TTYH1: variants seen among roughly 807,000 people sequenced by gnomAD.
The protein encoded by TTYH1 is protein tweety homolog 1.
A neutral mutation model predicts 61.2 loss-of-function variants in TTYH1; 33 were observed. The ratio of observed to expected loss-of-function variants is 0.54; its 90% CI spans 0.41 to 0.72. The LOEUF is 0.72. Ranked by LOEUF, TTYH1 falls within the 30% of genes least tolerant of loss-of-function variation. The pLI is 0.00. For synonymous variants in TTYH1, 308 were observed against 266.4 expected (o/e 1.16, Z -1.52); for missense variants, 538 against 575.8 (o/e 0.93, Z 0.67).
rs374429069 is a variant in TTYH1 at position 54,420,094 on chromosome 19, C to T, written c.305+788C>T. On this transcript the variant is annotated intron_variant, in intron 2 of 13. Coordinates refer to ENST00000376530, the MANE Select transcript of TTYH1 (RefSeq NM_020659.4). The surrounding 1 kb of genome is among the most constrained non-coding windows in gnomAD (Gnocchi z 4.8). ...GATTCAGACCCAGGTTAGTAGGACCCCCTCACACCCCTCAAAGCGAGCTTA... is the reference window on the plus strand; with the variant it reads ...GATTCAGACCCAGGTTAGTAGGACCTCCTCACACCCCTCAAAGCGAGCTTA... Among the ~76,000 whole-genome samples the T allele has an allele frequency of 6.6e-6, 1 of 152,144 alleles. No homozygotes were observed. Among genetic ancestry groups the T allele is most frequent in the Non-Finnish European group, 1.5e-5 (1 of 68,032 alleles).
In TTYH1 at chr19:54,415,508, C is replaced by T. The variant is rs375316760; in HGVS notation, c.-45C>T. ...CGCGCCCCGCTCGACTCCGGAGGCT[C>T]CCGCAGCCCCGGCGTCCGCCCCGCT... On this transcript the variant is annotated 5_prime_UTR_variant, in exon 1 of 14. Coordinates refer to ENST00000376530, the MANE Select transcript of TTYH1 (RefSeq NM_020659.4). The surrounding 1 kb of genome is among the most constrained non-coding windows in gnomAD (Gnocchi z 5.2). The T allele has an allele frequency of 1.9e-3, 2,504 of 1,349,810 alleles. 31 individuals are homozygous for T. The African/African-American group carries it at 0.028, about 15-fold the overall frequency. 83.6% of individuals were successfully genotyped at this position (1,349,810 alleles called of 1,614,324 possible). A position where few individuals can be genotyped will look rare whatever the true frequency, so the allele number is the denominator to read the frequency against.
chr19:54,426,904 G>A, intron 5 of TTYH1, 136 bp downstream of exon 5: 1 of 750,288 alleles, frequency 1.3e-6, no homozygotes, highest in Non-Finnish European at 2.2e-6. Flanking sequence ...GAGAGTCAGA[G>A]CAGCCCAGGA....
In TTYH1 at chr19:54,430,911, T is replaced by C; in HGVS notation, c.1032+6T>C. ...CTCAGTTCCCTTCAGCGCAGGTCGG[T>C]GGGTGGGCGCTCCCCAGACACGCGG... On this transcript the variant is annotated splice_donor_region_variant and intron_variant, in intron 9 of 13. Coordinates refer to ENST00000376530, the MANE Select transcript of TTYH1 (RefSeq NM_020659.4). The C allele has an allele frequency of 1.9e-6, 3 of 1,609,886 alleles. No homozygotes were observed. The highest frequency in any genetic ancestry group is 2.5e-6 in the Non-Finnish European group (3 of 1,179,454).
Position 54,423,722 on chromosome 19 carries a change from T to C in TTYH1, c.638+1312T>C, listed in dbSNP as rs112390926. Among the ~76,000 whole-genome samples the C allele has an allele frequency of 1.5e-3, 227 of 152,182 alleles. 1 individual carries two copies. Among genetic ancestry groups the C allele is most frequent in the African/African-American group, 4.9e-3 (203 of 41,532 alleles). On this transcript the variant is annotated intron_variant, in intron 4 of 13. Transcript: ENST00000376530. ...GCACAGGGAGAGCACCGCAGAGATA[T>C]GAAGTGTAGTCACCCCGGTGGCGGG... is the stretch of plus-strand genomic sequence containing the variant.
Position 54,422,410 on chromosome 19 carries a change from G to A in TTYH1, c.638G>A (p.Arg213Lys). The A allele has an allele frequency of 6.5e-7, 1 of 1,532,426 alleles. No individual in the cohort carries two copies. Among genetic ancestry groups the A allele is most frequent in the South Asian group, 1.2e-5 (1 of 81,452 alleles). 94.9% of individuals were successfully genotyped at this position (1,532,426 alleles called of 1,614,324 possible). Residue 213 changes from arginine to lysine, a missense_variant and splice_region_variant, in exon 4 of 14, where the codon AGG (arginine) becomes AAG (lysine). Coordinates refer to ENST00000376530, the MANE Select transcript of TTYH1 (RefSeq NM_020659.4). ...AATGTGTCCTTTGTGGAGGAGTACA[G>A]GTGAGACGCTGCTCTTCTTGCTCTC... Reference protein sequence around the residue: ...AENVSFVEEYRWLAYVLLLLL... With the variant: ...AENVSFVEEYKWLAYVLLLLL...
chr19:54,435,399 CTT>C (rs2083523065), intron 10 of TTYH1, 141 bp from the exon 11 acceptor site: 1 of 1,055,812 alleles, frequency 9.5e-7, no homozygotes, highest in Non-Finnish European at 1.4e-6. Flanking sequence ...CAGAACTGCC[CTT>C]TGACAGGGGA....
chr19:54,421,398 C>T lies in TTYH1; in HGVS notation c.417+10C>T, dbSNP rs1203491670. The T allele has an allele frequency of 6.3e-7, 1 of 1,596,384 alleles. No homozygotes were observed. Among genetic ancestry groups the T allele is most frequent in the South Asian group, 1.1e-5 (1 of 90,776 alleles). ...CACCATTGACCACCTGGTGAGGGGC[C>T]AGCAACCAGTGGGACCCCAGACCCA... On this transcript the variant is annotated intron_variant, in intron 3 of 13. Transcript: ENST00000376530. The surrounding 1 kb of genome is among the most constrained non-coding windows in gnomAD (Gnocchi z 4.8).
intron 10 of TTYH1, chr19:54,431,495 C>T (rs2083444754): frequency 2.3e-6 from 1 of 433,748 alleles, no homozygotes; most frequent in South Asian, 2.6e-5. Context: ...CCTTCCTTGT[C>T]TTCTCTCCTC....
chr19:54,419,591 C>T lies in TTYH1; in HGVS notation c.305+285C>T. The T allele has an allele frequency of 1.5e-6, 1 of 660,354 alleles. No individual in the cohort carries two copies. The highest frequency in any genetic ancestry group is 3.0e-5 in the East Asian group (1 of 33,472). The allele number at this position is 660,354 out of a possible 1,614,324, so 40.9% of individuals were successfully genotyped here. ...GATGGCCTGGTTTTGGTGGCTCTCC[C>T]ATTGAATAGCTGTGTGACCTAAGGG... On this transcript the variant is annotated intron_variant, in intron 2 of 13. Transcript: ENST00000376530. This position sits in a 1 kb window ranked among gnomAD's most constrained non-coding sequence, Gnocchi z 6.1.
At chr19:54,430,475 G>A in intron 7 of TTYH1, 75 bp from the exon 8 acceptor site, 1 of 1,540,146 alleles carries the variant, frequency 6.5e-7, no homozygotes, top group Non-Finnish European at 9.0e-7. Flanking sequence ...TAACCCCCCA[G>A]TGCCCGGCCT....
chr19:54,420,065 C>A lies in TTYH1; in HGVS notation c.305+759C>A, dbSNP rs758639623. Among the ~76,000 whole-genome samples, 1 of 152,108 alleles carries A rather than the reference C, an allele frequency of 6.6e-6. No individual in the cohort carries two copies. The highest frequency in any genetic ancestry group is 1.5e-5 in the Non-Finnish European group (1 of 68,022). On this transcript the variant is annotated intron_variant, in intron 2 of 13. Coordinates refer to ENST00000376530, the MANE Select transcript of TTYH1 (RefSeq NM_020659.4). The surrounding 1 kb of genome is among the most constrained non-coding windows in gnomAD (Gnocchi z 4.8). ...AGGCCACGTGGCTTAAGAGGCAGCA[C>A]AGAGATTCAGACCCAGGTTAGTAGG...
intron 5 of TTYH1, among the ~76,000 whole-genome samples, chr19:54,428,079 GTTTT>G (rs936820982): frequency 1.6e-5 from 1 of 62,460 alleles, no homozygotes; most frequent in Admixed American, 2.3e-4. Flanking sequence ...TCCCGGCTAA[GTTTT>G]TTTTTTTTTT....
intron 4 of TTYH1, among the ~76,000 whole-genome samples, chr19:54,425,595 G>A (rs2083306703): frequency 6.6e-6 from 1 of 152,220 alleles, no homozygotes; most frequent in South Asian, 2.1e-4. Flanking sequence ...TCCCAGCTAG[G>A]CTTAGGGATT....
In TTYH1 at chr19:54,422,174, CCT is replaced by C; in HGVS notation, c.418-15_418-14del. 1 of 1,545,412 alleles carries C rather than the reference CCT, an allele frequency of 6.5e-7. No individual in the cohort carries two copies. The highest frequency in any genetic ancestry group is 8.8e-7 in the Non-Finnish European group (1 of 1,142,814). On this transcript the variant is annotated splice_polypyrimidine_tract_variant and intron_variant, in intron 3 of 13. Coordinates refer to ENST00000376530, the MANE Select transcript of TTYH1 (RefSeq NM_020659.4). ...CAGGATGTCCTTCCAGACCTCAGCC[CCT>C]GTCCTATCCCCAGGTGTTGGAGACG...
Position 54,415,635 on chromosome 19 carries a change from C to G in TTYH1, c.83C>G (p.Pro28Arg). 6.4e-7 allele frequency: 1 copy of G among 1,566,152 alleles called. No individual in the cohort carries two copies. Among genetic ancestry groups the G allele is most frequent in the Non-Finnish European group, 8.6e-7 (1 of 1,163,692 alleles). The change falls in exon 1 of 14, where the codon CCG becomes CGG. Residue 28 changes from proline to arginine, a missense_variant. This residue lies in a region of TTYH1 where 157 missense variants were observed against 157.0 expected (regional missense o/e 1.00). Transcript: ENST00000376530. The surrounding 1 kb of genome is among the most constrained non-coding windows in gnomAD (Gnocchi z 5.2). ...CCCCGCGCCGACTTCCAGCTCCGCCCGGTGCCCAGCGTTTTCGCGCCCCAA... is the reference window on the plus strand; with the variant it reads ...CCCCGCGCCGACTTCCAGCTCCGCCGGGTGCCCAGCGTTTTCGCGCCCCAA... ...QLPRADFQLR[P>R]VPSVFAPQEQ... is the part of the protein sequence containing the mutation.
At chr19:54,417,301 A>G (rs991635990) in intron 1 of TTYH1, among the ~76,000 whole-genome samples, 11 of 149,302 alleles carry the variant, frequency 7.4e-5, no homozygotes, top group Non-Finnish European at 8.9e-5. Flanking sequence ...ACACACTCAC[A>G]TGCACACTCA....
At position 54,420,884 on chromosome 19, in the gene TTYH1, G is replaced by C. The variant is rs138800845; in HGVS notation, c.306-393G>C. 2 of 296,586 alleles carry C rather than the reference G, an allele frequency of 6.7e-6. No individual in the cohort carries two copies. The highest frequency in any genetic ancestry group is 4.3e-5 in the African/African-American group (2 of 46,344). 18.4% of individuals were successfully genotyped at this position (296,586 alleles called of 1,614,324 possible). A position where few individuals can be genotyped will look rare whatever the true frequency, so the allele number is the denominator to read the frequency against. On this transcript the variant is annotated intron_variant, in intron 2 of 13. Transcript: ENST00000376530. The surrounding 1 kb of genome is among the most constrained non-coding windows in gnomAD (Gnocchi z 4.8). ...TAGGGCACCCTAGGACAGGTGCCAGGAGGGCTGCCTGCCTGGCAAAGGATG... is the reference window on the plus strand; with the variant it reads ...TAGGGCACCCTAGGACAGGTGCCAGCAGGGCTGCCTGCCTGGCAAAGGATG...
Position 54,422,136 on chromosome 19 carries a change from C to T in TTYH1, c.418-54C>T, listed in dbSNP as rs998654438. 19 of 1,462,098 alleles carry T rather than the reference C, an allele frequency of 1.3e-5. No individual in the cohort carries two copies. In the African/African-American group the frequency reaches 1.6e-4, roughly 12 times the overall value. The allele number at this position is 1,462,098 out of a possible 1,614,324, so 90.6% of individuals were successfully genotyped here. A position where few individuals can be genotyped will look rare whatever the true frequency, so the allele number is the denominator to read the frequency against. On this transcript the variant is annotated intron_variant, in intron 3 of 13. Transcript: ENST00000376530. ...CACTTCTAAAACCCCATGCCTCGACCGCGGGCTCCCCCCAGGATGTCCTTC... is the reference window on the plus strand; with the variant it reads ...CACTTCTAAAACCCCATGCCTCGACTGCGGGCTCCCCCCAGGATGTCCTTC...
chr19:54,430,020 C>A, intron 7 of TTYH1, 63 bp downstream of exon 7: 1 of 1,448,434 alleles, frequency 6.9e-7, no homozygotes, highest in Non-Finnish European at 9.7e-7. Flanking sequence ...CTTCCTCAGG[C>A]CTCCTCTGTG....
Sources: gnomAD v4.1 joint callset for allele counts (sites outside exome capture counted in the v4.1 genomes callset) on GRCh38, gnomAD v4.1.1 for gene constraint, gnomAD v4.1.1 regional missense constraint, Gnocchi (gnomAD v3.1) non-coding constraint, MANE v1.5 for transcripts, NCBI Gene and HGNC (gene_info 2026-07-23, HGNC 2026-07-21) for gene names.